The following PIH1D2 variants were observed in gnomAD, a reference collection of about 807,000 sequenced individuals.
PIH1D2 encodes the protein PIH1 domain containing 2, also known as PIH1 domain-containing protein 2.
In PIH1D2, 25 loss-of-function variants were observed where a neutral mutation model predicts 31.2. That is an observed-to-expected ratio of 0.80 (90% CI 0.58 to 1.12). The LOEUF (loss-of-function observed/expected upper bound fraction) is 1.12, where lower values mean the gene tolerates loss of function less well. Ranked by LOEUF, PIH1D2 falls within the 50% of genes most tolerant of loss-of-function variation. The probability of loss-of-function intolerance (pLI) is 0.00; values close to 1 mark genes in which losing one functional copy is unlikely to be tolerated. For synonymous variants in PIH1D2, 116 were observed against 119.9 expected (o/e 0.97, Z 0.21); for missense variants, 310 against 356.6 (o/e 0.87, Z 1.05).
chr11:112,066,786 A>G (rs934579696), downstream of PIH1D2, among the ~76,000 whole-genome samples: 2 of 151,754 alleles, frequency 1.3e-5, no homozygotes, highest in Non-Finnish European at 2.9e-5. Flanking sequence ...TTAGGGGCTG[A>G]GTGCCATGGC....
chr11:112,073,333 T>C (rs1355891559), intron 1 of PIH1D2, 128 bp from the exon 2 acceptor site: 35 of 577,626 alleles, frequency 6.1e-5, no homozygotes, highest in Admixed American at 9.7e-5. Context: ...TCTAAAAGGT[T>C]GTGGATCAGC....
At chr11:112,058,807 A>G (rs1864315402), downstream of PIH1D2, among the ~76,000 whole-genome samples, 1 of 152,194 alleles carries the variant, frequency 6.6e-6, no homozygotes, top group African/African-American at 2.4e-5. Flanking sequence ...TCCCTGCTTC[A>G]AAATGATAGC....
At chr11:112,057,960 A>G in the PIH1D2 span, among the ~76,000 whole-genome samples, 1 of 152,234 alleles carries the variant, frequency 6.6e-6, no homozygotes, top group Non-Finnish European at 1.5e-5. Context: ...AGTAGACAAC[A>G]GTGTAGTGTT....
Position 112,067,986 on chromosome 11 carries a change from A to T in PIH1D2, c.833T>A (p.Val278Glu), listed in dbSNP as rs782652924. 1.3e-6 allele frequency: 2 copies of T among 1,585,580 alleles called. No individual in the cohort carries two copies. The highest frequency in any genetic ancestry group is 1.7e-6 in the Non-Finnish European group (2 of 1,159,450). The change falls in exon 6 of 6, where the codon GTA becomes GAA. Residue 278 changes from valine to glutamate, a missense_variant. Coordinates refer to ENST00000280350, the MANE Select transcript of PIH1D2 (RefSeq NM_138789.4). ...SVSEDDLLIEVSEKYRLHLNL... is the reference protein window; with the variant it reads ...SVSEDDLLIEESEKYRLHLNL... ...CAGATGTAATCTGTACTTCTCAGAT[A>T]CTTCAATCAATAAATCATCCTAAGA...
At position 112,070,596 on chromosome 11, in the gene PIH1D2, A is replaced by G. The variant is rs1555184422; in HGVS notation, c.653T>C (p.Ile218Thr). 4 of 1,614,042 alleles carry G rather than the reference A, an allele frequency of 2.5e-6. No individual in the cohort carries two copies. The highest frequency in any genetic ancestry group is 2.2e-5 in the East Asian group (1 of 44,882). ...GATTTCAGTACTGGAAATCTCTTCT[A>G]TCAGACACACTGCTTTGCCTGAAAC... is the stretch of plus-strand genomic sequence containing the variant. ...DQVSGKAVCL[I>T]EEISSTEIQV... The change falls in exon 5 of 6, where the codon ATA becomes ACA. Residue 218 changes from isoleucine to threonine, a missense_variant. Transcript: ENST00000280350.
chr11:112,063,448 A>G (rs1864763045), downstream of PIH1D2: 1 of 152,622 alleles, frequency 6.6e-6, no homozygotes, highest in African/African-American at 2.4e-5. Flanking sequence ...AAGTGTACAT[A>G]TGTAAAATAT....
At chr11:112,073,959 T>C (rs1193856125) in intron 1 of PIH1D2, 21 bp downstream of exon 1, 8 of 160,016 alleles carry the variant, frequency 5.0e-5, no homozygotes, top group African/African-American at 1.7e-4. Flanking sequence ...GGGTAATCAT[T>C]CTATAGGTTG....
At chr11:112,065,264 G>A (rs782129891), downstream of PIH1D2, among the ~76,000 whole-genome samples, 4 of 152,298 alleles carry the variant, frequency 2.6e-5, no homozygotes, top group East Asian at 7.7e-4. Flanking sequence ...GGAAGATAGA[G>A]CTGTTTTTAT....
chr11:112,068,132 A>G (rs1864996159), intron 5 of PIH1D2, 127 bp from the exon 6 acceptor site: 1 of 635,046 alleles, frequency 1.6e-6, no homozygotes, highest in Admixed American at 3.2e-5. Context: ...GGAATGAGCA[A>G]AAAATTACTG....
In PIH1D2 at chr11:112,071,221, G is replaced by A. The variant is rs2135217160; in HGVS notation, c.364C>T (p.Gln122Ter). 3.7e-6 allele frequency: 6 copies of A among 1,613,382 alleles called. No individual in the cohort carries two copies. The highest frequency in any genetic ancestry group is 2.2e-5 in the East Asian group (1 of 44,788). ...PDVLHAAEKD[Q>*]VKKNQLIQMA... ...TGAATTAACTGATTTTTTTTCACTTGGTCCTTTTCTGCTGCATGAAGAACA... is the reference window on the plus strand; with the variant it reads ...TGAATTAACTGATTTTTTTTCACTTAGTCCTTTTCTGCTGCATGAAGAACA... Residue 122 changes from glutamine to a stop codon, truncating the protein, a stop_gained, in exon 4 of 6, where the codon CAA becomes TAA. Transcript: ENST00000280350. LOFTEE classifies it high-confidence loss of function.
intron 1 of PIH1D2, among the ~76,000 whole-genome samples, chr11:112,073,442 A>G (rs539503846): frequency 6.6e-6 from 1 of 152,158 alleles, no homozygotes; most frequent in South Asian, 2.1e-4. Flanking sequence ...TTGGACCCTG[A>G]CAAGTCAGAG....
downstream of PIH1D2, chr11:112,067,685 A>AAAAAATATATATATATATAT: frequency 5.6e-5 from 1 of 17,804 alleles, no homozygotes; most frequent in African/African-American, 1.7e-4. Flanking sequence ...AAAAAAAAAA[A>AAAAAATATATATATATATAT]ATATATATAT....
chr11:112,058,061 G>A, the PIH1D2 span, among the ~76,000 whole-genome samples: 33 of 152,220 alleles, frequency 2.2e-4, no homozygotes, highest in African/African-American at 7.0e-4. Flanking sequence ...ACTGAACCTG[G>A]AATATCAAGA....
At chr11:112,055,235 ATTT>A in the PIH1D2 span, among the ~76,000 whole-genome samples, 1,798 of 75,288 alleles carry the variant, frequency 0.024, 26 homozygotes, top group African/African-American at 0.09. Flanking sequence ...GTCAAGGCCT[ATTT>A]TTTTTTTTTT....
rs1159416930 is a variant in PIH1D2 at position 112,070,757 on chromosome 11, C to G, written c.548-56G>C. 4 of 1,540,308 alleles carry G rather than the reference C, an allele frequency of 2.6e-6. No individual in the cohort carries two copies. In the Admixed American group the frequency reaches 7.3e-5, roughly 28 times the overall value. ...AAAAATAAATCTACAACATAAAATA[C>G]TATGAGCTATAATATATGTGGTGTT... is the stretch of plus-strand genomic sequence containing the variant. On this transcript the variant is annotated intron_variant, in intron 4 of 5. Coordinates refer to ENST00000280350, the MANE Select transcript of PIH1D2 (RefSeq NM_138789.4).
At chr11:112,070,351 A>G in intron 5 of PIH1D2, 85 bp downstream of exon 5, 2 of 1,480,852 alleles carry the variant, frequency 1.4e-6, no homozygotes, top group Non-Finnish European at 1.8e-6. Flanking sequence ...TAAGCCCCTG[A>G]AATTATGTAG....
At chr11:112,054,761 C>T in the PIH1D2 span, among the ~76,000 whole-genome samples, 1 of 152,286 alleles carries the variant, frequency 6.6e-6, no homozygotes, top group South Asian at 2.1e-4. Flanking sequence ...GGAAACAAGT[C>T]TGAAATCAGG....
intron 5 of PIH1D2, among the ~76,000 whole-genome samples, chr11:112,068,404 T>A (rs1192788016): frequency 6.6e-6 from 1 of 152,216 alleles, no homozygotes; most frequent in African/African-American, 2.4e-5. Flanking sequence ...GGAAAATAGA[T>A]GGTAATGTGT....
At chr11:112,064,729 T>G (rs587622298), downstream of PIH1D2, among the ~76,000 whole-genome samples, 2 of 151,920 alleles carry the variant, frequency 1.3e-5, no homozygotes, top group African/African-American at 2.4e-5. Context: ...ATTAGAGAGA[T>G]AGGAGGAATG....
Sources: allele counts gnomAD v4.1 joint callset (sites outside exome capture counted in the v4.1 genomes callset), GRCh38; gene constraint gnomAD v4.1.1; transcripts MANE v1.5; gene names NCBI Gene and HGNC (gene_info 2026-07-23, HGNC 2026-07-21).